GRID2: variants seen among roughly 807,000 people sequenced by gnomAD.
GRID2 encodes the protein glutamate receptor ionotropic, delta-2.
GRID2 carries 33 observed loss-of-function variants against 114.8 expected under a neutral mutation model. That is an observed-to-expected ratio of 0.29 (90% CI 0.22 to 0.38). The LOEUF is 0.38. Among genes scored for constraint, GRID2 ranks in the 10% least tolerant of loss-of-function variants. The pLI is 1.00. For synonymous variants in GRID2, 505 were observed against 449.9 expected, an observed-to-expected ratio of 1.12 and a Z score of -1.55; for missense variants, 1,184 against 1,257.7, an observed-to-expected ratio of 0.94 and a Z score of 0.89.
chr4:92,753,579 G>A (rs1161007267), intron 2 of GRID2, among the ~76,000 whole-genome samples: 1 of 152,158 alleles, frequency 6.6e-6, no homozygotes, highest in Non-Finnish European at 1.5e-5. Context: ...ATGGCTGCAA[G>A]TATTAGAAAA....
intron 2 of GRID2, among the ~76,000 whole-genome samples, chr4:92,899,390 A>T (rs2149478516): frequency 6.6e-6 from 1 of 152,252 alleles, no homozygotes; most frequent in African/African-American, 2.4e-5. Context: ...GCTTCCAACA[A>T]GGCATATTCT....
At chr4:93,498,562 T>A (rs1727787003) in intron 12 of GRID2, among the ~76,000 whole-genome samples, 1 of 151,926 alleles carries the variant, frequency 6.6e-6, no homozygotes, top group African/African-American at 2.4e-5. Context: ...TTTTATCTTG[T>A]AATCTTGCTA....
intron 1 of GRID2, among the ~76,000 whole-genome samples, chr4:92,507,667 C>CT (rs1013960086): frequency 6.6e-6 from 1 of 151,854 alleles, no homozygotes; most frequent in African/African-American, 2.4e-5. Flanking sequence ...TACTTAATAT[C>CT]TTTTTTTCAG....
intron 8 of GRID2, among the ~76,000 whole-genome samples, chr4:93,266,392 T>A (rs1750831782): frequency 6.6e-6 from 1 of 152,142 alleles, no homozygotes; most frequent in Non-Finnish European, 1.5e-5. Context: ...ATAAGCCACC[T>A]GTGTTGTTTT....
At position 92,865,130 on chromosome 4, in the gene GRID2, T is replaced by G. The variant is rs187843371; in HGVS notation, c.245-219865T>G. ...GTTTGAGGTTCCCTGACAGGATAGA[T>G]TGGTCCCCTTTGTATATAATCCCTG... is the stretch of plus-strand genomic sequence containing the variant. On this transcript the variant is annotated intron_variant, in intron 2 of 15. Transcript: ENST00000282020. Among the ~76,000 whole-genome samples the G allele has an allele frequency of 6.6e-4, 100 of 152,338 alleles. 1 individual carries two copies. Among genetic ancestry groups the G allele is most frequent in the African/African-American group, 2.2e-3 (91 of 41,578 alleles).
intron 1 of GRID2, among the ~76,000 whole-genome samples, chr4:92,366,705 C>T (rs1728885818): frequency 6.6e-6 from 1 of 151,914 alleles, no homozygotes; most frequent in African/African-American, 2.4e-5. Flanking sequence ...AAAGGTAAGA[C>T]CTGAAACTAT....
At position 92,870,889 on chromosome 4, in the gene GRID2, T is replaced by TA. The variant is rs1345992347; in HGVS notation, c.245-214102dup. The stretch of plus-strand genomic sequence containing the variant: ...ATAACTTTAGTGACAGGAAACAATA[T>TA]AAAATCATATGAATAACTTGTGATA... On this transcript the variant is annotated intron_variant, in intron 2 of 15. Transcript: ENST00000282020. 3.3e-5 allele frequency among the ~76,000 whole-genome samples: 5 copies of TA among 152,326 alleles called. No individual in the cohort carries two copies. In the East Asian group the frequency reaches 9.6e-4, roughly 29 times the overall value.
intron 2 of GRID2, among the ~76,000 whole-genome samples, chr4:92,816,530 AG>A (rs1426672433): frequency 6.6e-6 from 1 of 152,038 alleles, no homozygotes; most frequent in East Asian, 1.9e-4. Flanking sequence ...AGTTTGGTAA[AG>A]GTTTCCACAA....
chr4:93,327,526 T>C (rs1170763868), intron 8 of GRID2, among the ~76,000 whole-genome samples: 1 of 152,154 alleles, frequency 6.6e-6, no homozygotes, highest in East Asian at 1.9e-4. Context: ...TACAAGACTA[T>C]TGTATATATA....
chr4:93,701,660 T>G lies in GRID2; in HGVS notation c.2361-67550T>G, dbSNP rs542949117. ...ATTAACTTTTTTTTCTCTTTACAAG[T>G]CCTGCATAAAAACTCCTCAATGGAT... On this transcript the variant is annotated intron_variant, in intron 14 of 15. Coordinates refer to ENST00000282020, the MANE Select transcript of GRID2 (RefSeq NM_001510.4). Among the ~76,000 whole-genome samples, 8 of 152,118 alleles carry G rather than the reference T, an allele frequency of 5.3e-5. No homozygotes were observed. The South Asian group carries it at 1.0e-3, about 20-fold the overall frequency.
chr4:92,703,396 C>T (rs943912354), intron 2 of GRID2, among the ~76,000 whole-genome samples: 1 of 151,770 alleles, frequency 6.6e-6, no homozygotes, highest in Non-Finnish European at 1.5e-5. Context: ...TTTAAAGAAA[C>T]CTAAGATATA....
chr4:92,792,503 A>ACACACACACACACACT (rs1414040335), intron 2 of GRID2, among the ~76,000 whole-genome samples: 1 of 135,832 alleles, frequency 7.4e-6, no homozygotes, highest in African/African-American at 2.7e-5. Flanking sequence ...ACACACACAC[A>ACACACACACACACACT]CTGTCACTCT....
chr4:92,941,388 T>G (rs1200533180), intron 2 of GRID2, among the ~76,000 whole-genome samples: 2 of 152,326 alleles, frequency 1.3e-5, no homozygotes, highest in East Asian at 3.9e-4. Flanking sequence ...GATGGTAGTC[T>G]GTATTTCTTT....
intron 2 of GRID2, among the ~76,000 whole-genome samples, chr4:92,599,121 G>T (rs928020030): frequency 7.0e-6 from 1 of 143,720 alleles, no homozygotes; most frequent in African/African-American, 2.6e-5. Context: ...AATTATACAT[G>T]TAGTGTAATT....
At chr4:93,518,691 T>C (rs1423102209) in intron 13 of GRID2, among the ~76,000 whole-genome samples, 1 of 152,094 alleles carries the variant, frequency 6.6e-6, no homozygotes, top group Non-Finnish European at 1.5e-5. Flanking sequence ...CAAGGTAATC[T>C]GCTTTATTAA....
At chr4:92,414,348 C>T (rs1731487153) in intron 1 of GRID2, among the ~76,000 whole-genome samples, 1 of 152,314 alleles carries the variant, frequency 6.6e-6, no homozygotes, top group South Asian at 2.1e-4. Context: ...ATCTGCAAAA[C>T]TTTCGTGATT....
In GRID2 at chr4:93,656,246, C is replaced by T. The variant is rs577770353; in HGVS notation, c.2360+29811C>T. Among the ~76,000 whole-genome samples, 3 of 151,750 alleles carry T rather than the reference C, an allele frequency of 2.0e-5. No homozygotes were observed. In the East Asian group the frequency reaches 5.8e-4, roughly 30 times the overall value. On this transcript the variant is annotated intron_variant, in intron 14 of 15. Coordinates refer to ENST00000282020, the MANE Select transcript of GRID2 (RefSeq NM_001510.4). ...ATTGTTTCTATTTAATGTATTAGAACAGATAAATGTATTTTGTCTAAGTGG... is the reference window on the plus strand; with the variant it reads ...ATTGTTTCTATTTAATGTATTAGAATAGATAAATGTATTTTGTCTAAGTGG...
chr4:93,085,410 T>C, intron 3 of GRID2, 131 bp downstream of exon 3: 1 of 725,432 alleles, frequency 1.4e-6, no homozygotes, highest in East Asian at 2.6e-5. Context: ...ATATTTTTCT[T>C]ATAAACATAG....
rs1001149761 is a variant in GRID2 at position 92,664,521 on chromosome 4, T to C, written c.244+74235T>C. ...GCAGTTAAGAAGAATGGGTATTCTATTGTTGTTGGGTATCATGTTCTTTAT... is the reference window on the plus strand; with the variant it reads ...GCAGTTAAGAAGAATGGGTATTCTACTGTTGTTGGGTATCATGTTCTTTAT... On this transcript the variant is annotated intron_variant, in intron 2 of 15. Coordinates refer to ENST00000282020, the MANE Select transcript of GRID2 (RefSeq NM_001510.4). 2.6e-5 allele frequency among the ~76,000 whole-genome samples: 4 copies of C among 151,200 alleles called. No individual in the cohort carries two copies. The Admixed American group carries it at 2.6e-4, about 10-fold the overall frequency.
Sources: allele counts gnomAD v4.1 joint callset (sites outside exome capture counted in the v4.1 genomes callset), GRCh38; gene constraint gnomAD v4.1.1; transcripts MANE v1.5; gene names NCBI Gene and HGNC (gene_info 2026-07-23, HGNC 2026-07-21).